Variants in MMS22L observed in about 807,000 individuals in gnomAD.
MMS22L encodes protein MMS22-like.
In MMS22L, 74 loss-of-function variants were observed where a neutral mutation model predicts 159.1. That is an observed-to-expected ratio of 0.47 (90% CI 0.39 to 0.56). The LOEUF is 0.56. Ranked by LOEUF, MMS22L falls within the 20% of genes least tolerant of loss-of-function variation. MMS22L has a pLI of 0.00. For synonymous variants in MMS22L, 517 were observed against 506.9 expected (o/e 1.02, Z -0.27); for missense variants, 1,351 against 1,422.1 (o/e 0.95, Z 0.80).
chr6:97,263,558 T>G lies in MMS22L; in HGVS notation c.829-110A>C. 1.2e-5 allele frequency: 6 copies of G among 493,336 alleles called. No individual in the cohort carries two copies. In the South Asian group the frequency reaches 2.8e-4, roughly 23 times the overall value. The allele number at this position is 493,336 out of a possible 1,614,324, so 30.6% of individuals were successfully genotyped here. ...ATGATTTAGATGACTAAGAATTTATTCTCAATTAGACAAAATTATTTATTG... is the reference window on the plus strand; with the variant it reads ...ATGATTTAGATGACTAAGAATTTATGCTCAATTAGACAAAATTATTTATTG... On this transcript the variant is annotated intron_variant, in intron 8 of 24. Transcript: ENST00000683635.
At chr6:97,244,896 A>G (rs918580806) in intron 11 of MMS22L, among the ~76,000 whole-genome samples, 6 of 152,036 alleles carry the variant, frequency 3.9e-5, no homozygotes, top group African/African-American at 1.4e-4. Context: ...GGGCGGGGGC[A>G]GTTCTCAGGG....
At chr6:97,258,727 C>T (rs1814103293) in intron 9 of MMS22L, 1 of 152,140 alleles carries the variant, frequency 6.6e-6, no homozygotes, top group Admixed American at 6.5e-5. Context: ...TTTAAAATTG[C>T]TAATCCTCAC....
chr6:97,153,798 C>T (rs1231097371), intron 22 of MMS22L, among the ~76,000 whole-genome samples: 3 of 152,152 alleles, frequency 2.0e-5, no homozygotes, highest in Non-Finnish European at 4.4e-5. Flanking sequence ...TGTTTCAGTA[C>T]TTCATGCTTT....
chr6:97,246,147 A>T (rs1282616141), intron 11 of MMS22L: 1 of 454,310 alleles, frequency 2.2e-6, no homozygotes, highest in Non-Finnish European at 4.4e-6. Flanking sequence ...GAAGCACTAC[A>T]TTAACAGCTC....
At chr6:97,173,296 TTCTC>T (rs1803753236) in intron 18 of MMS22L, 74 bp from the exon 19 acceptor site, 1 of 1,435,760 alleles carries the variant, frequency 7.0e-7, no homozygotes, top group Admixed American at 2.1e-5. Flanking sequence ...AAGATAATTT[TTCTC>T]TCTTTTTCTA....
chr6:97,245,561 CAAA>C (rs544680305), intron 11 of MMS22L, among the ~76,000 whole-genome samples: 1 of 151,164 alleles, frequency 6.6e-6, no homozygotes, highest in Non-Finnish European at 1.5e-5. Context: ...AATATGTTCT[CAAA>C]AAAAATGAGG....
chr6:97,225,264 T>C (rs1426784650), intron 14 of MMS22L, among the ~76,000 whole-genome samples: 1 of 152,230 alleles, frequency 6.6e-6, no homozygotes, highest in African/African-American at 2.4e-5. Flanking sequence ...CTCTCTTTTT[T>C]GCTTTCTTTG....
intron 17 of MMS22L, among the ~76,000 whole-genome samples, chr6:97,179,074 TA>T (rs1404948587): frequency 6.6e-6 from 1 of 152,158 alleles, no homozygotes; most frequent in Non-Finnish European, 1.5e-5. Context: ...GATATCTGGT[TA>T]CTCGCTTCAG....
chr6:97,204,842 T>C (rs1807585799), intron 14 of MMS22L, among the ~76,000 whole-genome samples: 1 of 142,714 alleles, frequency 7.0e-6, no homozygotes. Flanking sequence ...TAATACTGAA[T>C]GTCAATTGAG....
At chr6:97,177,014 T>C (rs1804193921) in intron 18 of MMS22L, among the ~76,000 whole-genome samples, 1 of 152,166 alleles carries the variant, frequency 6.6e-6, no homozygotes, top group Non-Finnish European at 1.5e-5. Context: ...ATGATGTTCC[T>C]ATTTCTCCTT....
intron 4 of MMS22L, among the ~76,000 whole-genome samples, chr6:97,278,252 A>C (rs1816432036): frequency 6.6e-6 from 1 of 152,052 alleles, no homozygotes; most frequent in African/African-American, 2.4e-5. Flanking sequence ...AAAATATAAA[A>C]ATTAGCTGGG....
At chr6:97,209,383 A>C (rs1808129919) in intron 14 of MMS22L, among the ~76,000 whole-genome samples, 1 of 151,856 alleles carries the variant, frequency 6.6e-6, no homozygotes. Flanking sequence ...ATATACTCCA[A>C]CTAGAGAATA....
chr6:97,258,242 A>G (rs1228235707), intron 9 of MMS22L, among the ~76,000 whole-genome samples: 1 of 152,336 alleles, frequency 6.6e-6, no homozygotes, highest in East Asian at 1.9e-4. Flanking sequence ...ATTTTAGCCT[A>G]TAGACCTTAA....
At chr6:97,166,290 A>G (rs1466222086) in intron 20 of MMS22L, among the ~76,000 whole-genome samples, 1 of 152,146 alleles carries the variant, frequency 6.6e-6, no homozygotes. Context: ...ATAGATAATC[A>G]CCAACACAGC....
At chr6:97,246,147 A>G in intron 11 of MMS22L, 2 of 454,310 alleles carry the variant, frequency 4.4e-6, no homozygotes, top group South Asian at 3.1e-5. Flanking sequence ...GAAGCACTAC[A>G]TTAACAGCTC....
At chr6:97,274,859 G>T (rs1353488476) in intron 4 of MMS22L, among the ~76,000 whole-genome samples, 1 of 152,030 alleles carries the variant, frequency 6.6e-6, no homozygotes, top group Non-Finnish European at 1.5e-5. Flanking sequence ...GAGTACACAA[G>T]CCAGGGAATA....
intron 21 of MMS22L, among the ~76,000 whole-genome samples, chr6:97,163,095 C>G (rs1802613919): frequency 6.6e-6 from 1 of 151,966 alleles, no homozygotes; most frequent in Admixed American, 6.6e-5. Context: ...TTAGAAAATT[C>G]ATTCTTTGAG....
chr6:97,153,952 T>G (rs1376401593), intron 22 of MMS22L, among the ~76,000 whole-genome samples: 1 of 152,136 alleles, frequency 6.6e-6, no homozygotes, highest in Admixed American at 6.6e-5. Context: ...GACATATTTG[T>G]TCATTTCTCT....
intron 24 of MMS22L, among the ~76,000 whole-genome samples, chr6:97,148,714 AAG>A (rs1429085264): frequency 6.6e-6 from 1 of 152,168 alleles, no homozygotes; most frequent in Non-Finnish European, 1.5e-5. Context: ...AAAGGTAAAA[AAG>A]AGTAAGCTAA....
Sources: gnomAD v4.1 joint callset for allele counts (sites outside exome capture counted in the v4.1 genomes callset) on GRCh38, gnomAD v4.1.1 for gene constraint, MANE v1.5 for transcripts, NCBI Gene and HGNC (gene_info 2026-07-23, HGNC 2026-07-21) for gene names.